The following EXOC6 variants were observed in gnomAD, a reference collection of about 807,000 sequenced individuals.
EXOC6 encodes exocyst complex component 6, also known as SEC15-like 1.
EXOC6 carries 60 observed loss-of-function variants against 112.5 expected under a neutral mutation model. That is an observed-to-expected ratio of 0.53 (90% CI 0.43 to 0.66). The LOEUF is 0.66. Ranked by LOEUF, EXOC6 falls within the 30% of genes least tolerant of loss-of-function variation. EXOC6 has a pLI of 0.00. For synonymous variants in EXOC6, 295 were observed against 308.0 expected (o/e 0.96, Z 0.44); for missense variants, 855 against 957.1 (o/e 0.89, Z 1.41).
At chr10:92,982,394 A>G (rs1842857970) in intron 18 of EXOC6, among the ~76,000 whole-genome samples, 1 of 147,532 alleles carries the variant, frequency 6.8e-6, no homozygotes, top group Non-Finnish European at 1.5e-5. Flanking sequence ...GTGCCTTGAC[A>G]GTGGCATCAC....
Position 93,058,415 on chromosome 10 carries a change from A to C in EXOC6, c.*60A>C, listed in dbSNP as rs1028956094. The stretch of plus-strand genomic sequence containing the variant: ...CATGATTCAATGTTGATCTTGAGCA[A>C]GTATTGGTCATGATACAGTAATTTG... On this transcript the variant is annotated 3_prime_UTR_variant, in exon 22 of 22. Transcript: ENST00000260762. 6.9e-7 allele frequency: 1 copy of C among 1,459,384 alleles called. No individual in the cohort carries two copies. Among genetic ancestry groups the C allele is most frequent in the Non-Finnish European group, 9.2e-7 (1 of 1,090,988 alleles). The allele number at this position is 1,459,384 out of a possible 1,614,324, so 90.4% of individuals were successfully genotyped here. A position where few individuals can be genotyped will look rare whatever the true frequency, so the allele number is the denominator to read the frequency against.
chr10:93,041,330 A>G (rs1385137330), intron 20 of EXOC6, among the ~76,000 whole-genome samples: 1 of 152,112 alleles, frequency 6.6e-6, no homozygotes, highest in Non-Finnish European at 1.5e-5. Context: ...TTCTGCCTTA[A>G]GTGCATTTAC....
intron 17 of EXOC6, among the ~76,000 whole-genome samples, chr10:92,973,666 T>G (rs1457674945): frequency 1.3e-5 from 2 of 152,230 alleles, no homozygotes; most frequent in Non-Finnish European, 2.9e-5. Context: ...TCTGTGATAG[T>G]CCAACTTAAT....
intron 1 of EXOC6, among the ~76,000 whole-genome samples, chr10:92,859,171 A>G (rs1234340987): frequency 6.6e-6 from 1 of 152,138 alleles, no homozygotes; most frequent in African/African-American, 2.4e-5. Context: ...TAGATAACGT[A>G]GCAACTCTCG....
At chr10:92,929,818 T>G (rs1771537919) in intron 9 of EXOC6, among the ~76,000 whole-genome samples, 1 of 152,184 alleles carries the variant, frequency 6.6e-6, no homozygotes, top group Non-Finnish European at 1.5e-5. Flanking sequence ...GAAAAATTAC[T>G]GAAGTGAGAC....
chr10:92,973,987 A>G, intron 17 of EXOC6, 66 bp from the exon 18 acceptor site: 1 of 1,234,196 alleles, frequency 8.1e-7, no homozygotes, highest in Non-Finnish European at 1.1e-6. Context: ...AATAATATCT[A>G]GAATTGTAAG....
At chr10:92,837,555 C>T (rs910863323) in intron 1 of EXOC6, among the ~76,000 whole-genome samples, 2 of 152,034 alleles carry the variant, frequency 1.3e-5, no homozygotes, top group African/African-American at 4.8e-5. Flanking sequence ...CTCAGCTACT[C>T]GGGAGGCCAA....
At chr10:92,907,751 G>T (rs1049383473) in intron 5 of EXOC6, among the ~76,000 whole-genome samples, 1 of 152,040 alleles carries the variant, frequency 6.6e-6, no homozygotes, top group African/African-American at 2.4e-5. Context: ...AAAATGTTAT[G>T]CATTACACTG....
At chr10:93,056,781 A>C (rs1357638336) in intron 20 of EXOC6, 143 bp from the exon 21 acceptor site, 49 of 596,472 alleles carry the variant, frequency 8.2e-5, no homozygotes, top group Non-Finnish European at 8.3e-5. Flanking sequence ...AGTACAGTTA[A>C]TGAAGTTTTA....
chr10:92,896,113 A>ACATATGTG lies in EXOC6; in HGVS notation c.412+1093_412+1094insCATATGTG, dbSNP rs1464830367. 1.2e-4 allele frequency among the ~76,000 whole-genome samples: 4 copies of ACATATGTG among 33,134 alleles called. No individual in the cohort carries two copies. In the East Asian group the frequency reaches 8.5e-3, roughly 70 times the overall value. 21.7% of individuals were successfully genotyped at this position (33,134 alleles called of 152,430 possible). On this transcript the variant is annotated intron_variant, in intron 4 of 21. Coordinates refer to ENST00000260762, the MANE Select transcript of EXOC6 (RefSeq NM_019053.6). ...TATATATGTGTGTATATATATGTGT[A>ACATATGTG]TATATATGTGTGTGTGTGTGTGTGT...
At chr10:93,040,514 T>C (rs1403406604) in intron 20 of EXOC6, among the ~76,000 whole-genome samples, 1 of 152,262 alleles carries the variant, frequency 6.6e-6, no homozygotes, top group African/African-American at 2.4e-5. Flanking sequence ...CCCAAAGTGC[T>C]GGGATTACAG....
At chr10:92,851,304 CTG>C (rs1354610109) in intron 1 of EXOC6, among the ~76,000 whole-genome samples, 1 of 152,134 alleles carries the variant, frequency 6.6e-6, no homozygotes, top group African/African-American at 2.4e-5. Context: ...TTTGAGGAGA[CTG>C]TAAAATTGAT....
At chr10:92,982,967 T>C (rs1842879196) in intron 18 of EXOC6, among the ~76,000 whole-genome samples, 3 of 152,220 alleles carry the variant, frequency 2.0e-5, no homozygotes, top group Admixed American at 2.0e-4. Flanking sequence ...AAATATATGC[T>C]CAAGAATAAA....
upstream of EXOC6, among the ~76,000 whole-genome samples, chr10:92,846,629 A>G (rs1847063336): frequency 6.6e-6 from 1 of 152,222 alleles, no homozygotes; most frequent in Non-Finnish European, 1.5e-5. Flanking sequence ...GTCTTAGCTC[A>G]ATGGATGTGT....
rs1852290478 is a variant in EXOC6, at chr10:92,935,503, A to ATACTT, written c.1141-309_1141-308insCTTTA. Among the ~76,000 whole-genome samples, 4 of 152,226 alleles carry ATACTT rather than the reference A, an allele frequency of 2.6e-5. No individual in the cohort carries two copies. In the South Asian group the frequency reaches 8.3e-4, roughly 31 times the overall value. Reference sequence around the variant, plus strand: ...TAGTGTCTCTTTTATAAGATGGAAAATAAGTAAATAGATGAAATGTGAAAA... The same window carrying ATACTT: ...TAGTGTCTCTTTTATAAGATGGAAAATACTTTAAGTAAATAGATGAAATGTGAAAA... On this transcript the variant is annotated intron_variant, in intron 11 of 21. Coordinates refer to ENST00000260762, the MANE Select transcript of EXOC6 (RefSeq NM_019053.6).
At chr10:92,937,426 T>C (rs773627058) in intron 12 of EXOC6, among the ~76,000 whole-genome samples, 32 of 152,214 alleles carry the variant, frequency 2.1e-4, no homozygotes, top group Non-Finnish European at 4.0e-4. Flanking sequence ...CTTTATATAA[T>C]ATGCTTTGGG....
At chr10:92,984,813 T>C (rs11187235) in intron 18 of EXOC6, among the ~76,000 whole-genome samples, 14,371 of 151,920 alleles carry the variant, frequency 0.095, 753 homozygotes, top group Admixed American at 0.17. Flanking sequence ...GCCTGGGCAA[T>C]GTGGCGAAAC....
At chr10:92,923,292 C>T in intron 8 of EXOC6, among the ~76,000 whole-genome samples, 1 of 152,204 alleles carries the variant, frequency 6.6e-6, no homozygotes, top group East Asian at 1.9e-4. Flanking sequence ...TTCAACATTT[C>T]TTTAGTTTAT....
chr10:93,028,834 C>CAAA (rs59650538), intron 20 of EXOC6, among the ~76,000 whole-genome samples: 8 of 79,098 alleles, frequency 1.0e-4, no homozygotes, highest in Admixed American at 1.2e-4. Flanking sequence ...AACTCCATCT[C>CAAA]AAAAAAAAAA....
Sources: allele counts gnomAD v4.1 joint callset (sites outside exome capture counted in the v4.1 genomes callset), GRCh38; gene constraint gnomAD v4.1.1; transcripts MANE v1.5; gene names NCBI Gene and HGNC (gene_info 2026-07-23, HGNC 2026-07-21).